The following CADM3 variants were observed in gnomAD, a reference collection of about 807,000 sequenced individuals.
CADM3 encodes TSLC1-like 1.
Under a neutral mutation model 44.9 loss-of-function variants are expected in CADM3, and 11 were observed. That is an observed-to-expected ratio of 0.25 (90% CI 0.15 to 0.41). The LOEUF is 0.41. Ranked by LOEUF, CADM3 falls within the 10% of genes least tolerant of loss-of-function variation. CADM3 has a pLI of 1.00. For missense variants in CADM3, 426 were observed against 512.0 expected (o/e 0.83, Z 1.62); for synonymous variants, 207 against 205.2 (o/e 1.01, Z -0.08).
rs145735508 is a variant in CADM3, at chr1:159,183,607, G to T, written c.89-8329G>T. On this transcript the variant is annotated intron_variant, in intron 1 of 8. Coordinates refer to ENST00000368125, the MANE Select transcript of CADM3 (RefSeq NM_001127173.3). ...TGGAACGCATTGGAACTAAGGAAAG[G>T]AGATCCTTTAGGAGACTGCTGCTTG... Among the ~76,000 whole-genome samples, 25 of 152,248 alleles carry T rather than the reference G, an allele frequency of 1.6e-4. No homozygotes were observed. The East Asian group carries it at 4.6e-3, about 28-fold the overall frequency.
chr1:159,189,697 A>G, intron 1 of CADM3: 1 of 1,137,856 alleles, frequency 8.8e-7, no homozygotes, highest in Middle Eastern at 2.3e-4. Flanking sequence ...CCACATGCCC[A>G]GCAATGAAAG....
At chr1:159,182,376 C>CG in intron 1 of CADM3, among the ~76,000 whole-genome samples, 1 of 152,234 alleles carries the variant, frequency 6.6e-6, no homozygotes, top group East Asian at 1.9e-4. Context: ...TGGGTGTCAG[C>CG]GGAAATATTT....
chr1:159,186,647 A>C (rs780609037), intron 1 of CADM3, among the ~76,000 whole-genome samples: 1 of 152,202 alleles, frequency 6.6e-6, no homozygotes, highest in Non-Finnish European at 1.5e-5. Context: ...TAGCATTATA[A>C]TCACTCATCC....
At chr1:159,177,001 C>T (rs1399166689) in intron 1 of CADM3, among the ~76,000 whole-genome samples, 1 of 152,104 alleles carries the variant, frequency 6.6e-6, no homozygotes, top group Non-Finnish European at 1.5e-5. Flanking sequence ...TACATTGGGA[C>T]ATTCTGAGTC....
At chr1:159,199,625 C>T (rs2102138739) in intron 7 of CADM3, 126 bp from the exon 8 acceptor site, 2 of 1,207,034 alleles carry the variant, frequency 1.7e-6, no homozygotes, top group Non-Finnish European at 2.4e-6. Context: ...TGATGAATGA[C>T]ACTGCTCCAT....
chr1:159,174,244 C>A (rs3026955), intron 1 of CADM3, among the ~76,000 whole-genome samples: 9,330 of 152,258 alleles, frequency 0.061, 399 homozygotes, highest in Middle Eastern at 0.1. Context: ...TTAATTCTAT[C>A]TTTTAGTTTC....
intron 7 of CADM3, among the ~76,000 whole-genome samples, chr1:159,199,402 GAGGA>G (rs59474463): frequency 1.1e-4 from 17 of 148,868 alleles, no homozygotes; most frequent in East Asian, 4.1e-4. Flanking sequence ...CGGAGGGAGG[GAGGA>G]AGGAAGGAAG....
intron 7 of CADM3, 23 bp from the exon 8 acceptor site, chr1:159,199,728 G>C (rs1557940145): frequency 6.2e-7 from 1 of 1,614,130 alleles, no homozygotes; most frequent in East Asian, 2.2e-5. Context: ...AGATCTGACT[G>C]TGTGTGTTGC....
At chr1:159,179,421 T>C (rs760333466) in intron 1 of CADM3, among the ~76,000 whole-genome samples, 1 of 152,186 alleles carries the variant, frequency 6.6e-6, no homozygotes, top group Non-Finnish European at 1.5e-5. Context: ...TTACTTCTAG[T>C]TCAGGGTCAA....
At chr1:159,192,234 G>C (rs4656165) in intron 2 of CADM3, among the ~76,000 whole-genome samples, 158 bp downstream of exon 2, 21,036 of 152,178 alleles carry the variant, frequency 0.14, 1,980 homozygotes, top group Non-Finnish European at 0.21. Context: ...ACTGGTTCCA[G>C]TATTGCAGCT....
chr1:159,196,101 T>C, intron 5 of CADM3: 1 of 412,130 alleles, frequency 2.4e-6, no homozygotes, highest in East Asian at 4.4e-5. Flanking sequence ...ATTTCCCTTC[T>C]CAGCTTTCTG....
At position 159,196,375 on chromosome 1, in the gene CADM3, G is replaced by A; in HGVS notation, c.703G>A (p.Ala235Thr). The A allele has an allele frequency of 6.2e-7, 1 of 1,614,074 alleles. No individual in the cohort carries two copies. Among genetic ancestry groups the A allele is most frequent in the Non-Finnish European group, 8.5e-7 (1 of 1,179,954 alleles). ...TTCCTTCTCCACAGACACACCAACT[G>A]CGATGATTAGGCCAGACCCTCCCCA... is the stretch of plus-strand genomic sequence containing the variant. ...QRIEVLYTPT[A>T]MIRPDPPHPR... Residue 235 changes from alanine to threonine, a missense_variant, in exon 6 of 9, where the codon GCG (alanine) becomes ACG (threonine). Transcript: ENST00000368125.
At chr1:159,176,375 A>T (rs1649017208) in intron 1 of CADM3, among the ~76,000 whole-genome samples, 1 of 152,220 alleles carries the variant, frequency 6.6e-6, no homozygotes, top group African/African-American at 2.4e-5. Flanking sequence ...GTCCACCCTT[A>T]ATCTCTGAGA....
intron 1 of CADM3, among the ~76,000 whole-genome samples, chr1:159,191,620 A>C (rs1303277666): frequency 6.6e-6 from 1 of 152,232 alleles, no homozygotes; most frequent in African/African-American, 2.4e-5. Context: ...GAAAAGACAC[A>C]TGTGGAGTGG....
chr1:159,179,849 A>G (rs1009658776), intron 1 of CADM3, among the ~76,000 whole-genome samples: 2 of 152,166 alleles, frequency 1.3e-5, no homozygotes, highest in African/African-American at 2.4e-5. Context: ...CAGTGAAACA[A>G]TTGCACTCAC....
In CADM3 at chr1:159,171,771, G is replaced by T; in HGVS notation, c.6G>T (p.Gly2=). M[G]APAASLLLLL... is the part of the protein sequence containing the mutation. ...GGAGCCGGCCGGGAAGCGCGATGGG[G>T]GCCCCAGCCGCCTCGCTCCTGCTCC... Residue 2 remains glycine, a synonymous_variant, in exon 1 of 9, where the codon GGG becomes GGT. Transcript: ENST00000368125. 4.0e-6 allele frequency: 5 copies of T among 1,237,768 alleles called. No individual in the cohort carries two copies. The highest frequency in any genetic ancestry group is 5.0e-6 in the Non-Finnish European group (5 of 990,464). The allele number at this position is 1,237,768 out of a possible 1,614,324, so 76.7% of individuals were successfully genotyped here.
At chr1:159,183,612 C>T (rs1323168605) in intron 1 of CADM3, among the ~76,000 whole-genome samples, 1 of 152,190 alleles carries the variant, frequency 6.6e-6, no homozygotes, top group East Asian at 1.9e-4. Context: ...GAAAGGAGAT[C>T]CTTTAGGAGA....
intron 1 of CADM3, among the ~76,000 whole-genome samples, chr1:159,172,846 T>C (rs2102085403): frequency 6.6e-6 from 1 of 152,080 alleles, no homozygotes; most frequent in Non-Finnish European, 1.5e-5. Context: ...AGGTCAGCGC[T>C]GTGGGGGCAC....
chr1:159,196,134 C>G, intron 5 of CADM3: 2 of 511,536 alleles, frequency 3.9e-6, no homozygotes, highest in East Asian at 6.8e-5. Context: ...TTAGGGCCCA[C>G]CAAGGACAGA....
Sources: gnomAD v4.1 joint callset for allele counts (sites outside exome capture counted in the v4.1 genomes callset) on GRCh38, gnomAD v4.1.1 for gene constraint, MANE v1.5 for transcripts, NCBI Gene and HGNC (gene_info 2026-07-23, HGNC 2026-07-21) for gene names.